The following RBM33 variants were observed in gnomAD, a reference collection of about 807,000 sequenced individuals.
RBM33 encodes RNA binding motif protein 33, also known as RNA-binding protein 33.
Under a neutral mutation model 132.6 loss-of-function variants are expected in RBM33, and 28 were observed. The ratio of observed to expected loss-of-function variants is 0.21; its 90% CI spans 0.16 to 0.29. The LOEUF is 0.29. Ranked by LOEUF, RBM33 falls within the 10% of genes least tolerant of loss-of-function variation. RBM33 has a pLI of 1.00. For missense variants in RBM33, 1,291 were observed against 1,518.5 expected, an observed-to-expected ratio of 0.85 and a Z score of 2.49; for synonymous variants, 634 against 593.0, an observed-to-expected ratio of 1.07 and a Z score of -1.01.
chr7:155,661,609 T>C (rs1209356150), intron 1 of RBM33, among the ~76,000 whole-genome samples: 1 of 151,944 alleles, frequency 6.6e-6, no homozygotes, highest in African/African-American at 2.4e-5. Flanking sequence ...AGTTTCGCCA[T>C]GTTGGCCAGG....
chr7:155,708,948 G>C (rs1800197215), intron 7 of RBM33, among the ~76,000 whole-genome samples: 2 of 151,536 alleles, frequency 1.3e-5, no homozygotes, highest in Non-Finnish European at 2.9e-5. Context: ...TTCCTGCCTG[G>C]ATTCCGTTCT....
rs556067947 is a variant in RBM33 at position 155,746,016 on chromosome 7, A to T, written c.2979+414A>T. 5.3e-5 allele frequency among the ~76,000 whole-genome samples: 8 copies of T among 152,338 alleles called. No homozygotes were observed. The South Asian group carries it at 1.7e-3, about 32-fold the overall frequency. ...GAAGGTACAGTAAAAATACAGTGTC[A>T]TAACCTCATGGGACCGCCTTTGCAG... is the stretch of plus-strand genomic sequence containing the variant. On this transcript the variant is annotated intron_variant, in intron 14 of 17. Transcript: ENST00000401878.
At position 155,739,806 on chromosome 7, in the gene RBM33, A is replaced by AGCCCCCGCACCAGCCCCC; in HGVS notation, c.1835_1852dup (p.Pro612_Pro617dup). Reference sequence around the variant, plus strand: ...CCGCCACAGCACCAGCCTCCGCACCAGCCCCCGCACCAGCCCCCGCCCCAG... The same window carrying AGCCCCCGCACCAGCCCCC: ...CCGCCACAGCACCAGCCTCCGCACCAGCCCCCGCACCAGCCCCCGCCCCCGCACCAGCCCCCGCCCCAG... On this transcript the variant is annotated inframe_insertion, in exon 12 of 18. Coordinates refer to ENST00000401878, the MANE Select transcript of RBM33 (RefSeq NM_053043.3). 2.4e-6 allele frequency: 3 copies of AGCCCCCGCACCAGCCCCC among 1,227,778 alleles called. No individual in the cohort carries two copies. Among genetic ancestry groups the AGCCCCCGCACCAGCCCCC allele is most frequent in the Non-Finnish European group, 2.2e-6 (2 of 920,142 alleles). 76.1% of individuals were successfully genotyped at this position (1,227,778 alleles called of 1,614,324 possible). A position where few individuals can be genotyped will look rare whatever the true frequency, so the allele number is the denominator to read the frequency against.
intron 5 of RBM33, among the ~76,000 whole-genome samples, chr7:155,692,869 G>A (rs796183026): frequency 6.6e-5 from 10 of 152,276 alleles, no homozygotes; most frequent in African/African-American, 2.4e-4. Flanking sequence ...TCAAGTATTT[G>A]TTTGCAGCAT....
chr7:155,651,534 C>T (rs967610461), intron 1 of RBM33, among the ~76,000 whole-genome samples: 4 of 147,312 alleles, frequency 2.7e-5, no homozygotes, highest in Middle Eastern at 3.3e-3. Context: ...GAGCCGAGAT[C>T]GCACCACTGC....
chr7:155,753,092 G>T (rs1242334281), intron 14 of RBM33, among the ~76,000 whole-genome samples: 3 of 152,206 alleles, frequency 2.0e-5, no homozygotes, highest in African/African-American at 7.2e-5. Flanking sequence ...AGCAAAGGAG[G>T]AATTAGCAGT....
intron 7 of RBM33, among the ~76,000 whole-genome samples, chr7:155,710,908 ATTTTTTTT>A (rs34296454): frequency 7.1e-6 from 1 of 139,972 alleles, no homozygotes; most frequent in East Asian, 2.1e-4. Flanking sequence ...CCTGAACTGA[ATTTTTTTT>A]TTTTTTTTCA....
In RBM33 at chr7:155,673,697, T is replaced by C. The variant is rs1367803527; in HGVS notation, c.171+782T>C. ...ACACGTGTATATATATACACACATATATACATACACACGTGTATATATATA... is the reference window on the plus strand; with the variant it reads ...ACACGTGTATATATATACACACATACATACATACACACGTGTATATATATA... On this transcript the variant is annotated intron_variant, in intron 3 of 17. Coordinates refer to ENST00000401878, the MANE Select transcript of RBM33 (RefSeq NM_053043.3). Among the ~76,000 whole-genome samples, 24 of 140,448 alleles carry C rather than the reference T, an allele frequency of 1.7e-4. 1 individual carries two copies. Among genetic ancestry groups the C allele is most frequent in the Non-Finnish European group, 2.1e-4 (14 of 66,366 alleles). The allele number at this position is 140,448 out of a possible 152,430, so 92.1% of individuals were successfully genotyped here.
chr7:155,672,358 G>A (rs1470032996), intron 2 of RBM33, among the ~76,000 whole-genome samples: 1 of 152,128 alleles, frequency 6.6e-6, no homozygotes, highest in African/African-American at 2.4e-5. Flanking sequence ...ACTACCTATA[G>A]CAAAGCCTCC....
chr7:155,729,599 T>C (rs1800893483), intron 9 of RBM33, among the ~76,000 whole-genome samples: 2 of 152,002 alleles, frequency 1.3e-5, no homozygotes, highest in African/African-American at 2.4e-5. Context: ...TAGCCAGATA[T>C]GGTGGCTCAT....
chr7:155,691,248 A>G (rs1205100425), intron 5 of RBM33, among the ~76,000 whole-genome samples: 1 of 152,134 alleles, frequency 6.6e-6, no homozygotes, highest in African/African-American at 2.4e-5. Flanking sequence ...CCTTTCTTCC[A>G]GTTGATCGAA....
At chr7:155,670,738 G>A (rs1189569182) in intron 2 of RBM33, among the ~76,000 whole-genome samples, 4 of 152,172 alleles carry the variant, frequency 2.6e-5, no homozygotes, top group African/African-American at 4.8e-5. Context: ...GCTGTGGATC[G>A]CTGGGGCTGC....
At chr7:155,650,883 T>G (rs1388218026) in intron 1 of RBM33, among the ~76,000 whole-genome samples, 1 of 152,194 alleles carries the variant, frequency 6.6e-6, no homozygotes, top group Non-Finnish European at 1.5e-5. Flanking sequence ...GTTGTTGTTG[T>G]TTTTGTTTTG....
At chr7:155,654,200 G>T (rs2116871777) in intron 1 of RBM33, among the ~76,000 whole-genome samples, 1 of 152,078 alleles carries the variant, frequency 6.6e-6, no homozygotes, top group Non-Finnish European at 1.5e-5. Context: ...TGTTTTCATT[G>T]ACTTCTCCTT....
chr7:155,651,908 G>A lies in RBM33; in HGVS notation c.43+6989G>A, dbSNP rs1017257816. ...TTAGGGAGAACCTCTCCTGGGGCCC[G>A]TGTAACATAGGAGATTTTTAAAACA... On this transcript the variant is annotated intron_variant, in intron 1 of 17. Transcript: ENST00000401878. 2.6e-5 allele frequency among the ~76,000 whole-genome samples: 4 copies of A among 152,138 alleles called. No individual in the cohort carries two copies. The East Asian group carries it at 5.8e-4, about 22-fold the overall frequency.
intron 14 of RBM33, among the ~76,000 whole-genome samples, chr7:155,754,924 C>A (rs1053275567): frequency 1.2e-4 from 19 of 152,144 alleles, no homozygotes; most frequent in African/African-American, 4.6e-4. Context: ...AAGTGCTCCC[C>A]ATGTTTTGCA....
chr7:155,693,821 T>C (rs947521103), intron 5 of RBM33, among the ~76,000 whole-genome samples: 2 of 152,174 alleles, frequency 1.3e-5, no homozygotes, highest in South Asian at 2.1e-4. Flanking sequence ...TGCTGAGAAG[T>C]AGAAGTTGCT....
At chr7:155,724,537 C>T (rs7797248) in intron 9 of RBM33, among the ~76,000 whole-genome samples, 5,478 of 152,136 alleles carry the variant, frequency 0.036, 327 homozygotes, top group African/African-American at 0.12. Context: ...CAAGTAAGAA[C>T]GAAACAAAAC....
At chr7:155,700,600 G>A (rs1378013995) in intron 5 of RBM33, among the ~76,000 whole-genome samples, 173 bp from the exon 6 acceptor site, 3 of 94,198 alleles carry the variant, frequency 3.2e-5, no homozygotes, top group African/African-American at 1.2e-4. Flanking sequence ...AATGTTTAAG[G>A]TTATTTTCTC....
Sources: gnomAD v4.1 joint callset for allele counts (sites outside exome capture counted in the v4.1 genomes callset) on GRCh38, gnomAD v4.1.1 for gene constraint, MANE v1.5 for transcripts, NCBI Gene and HGNC (gene_info 2026-07-23, HGNC 2026-07-21) for gene names.